MICAL3: variants seen among roughly 807,000 people sequenced by gnomAD.
The protein encoded by MICAL3 is microtubule associated monooxygenase, calponin and LIM domain containing 3.
In MICAL3, 62 loss-of-function variants were observed where a neutral mutation model predicts 207.4. The observed-to-expected ratio is 0.30, with a 90% CI of 0.24 to 0.37. MICAL3 has a LOEUF of 0.37. Ranked by LOEUF, MICAL3 falls within the 10% of genes least tolerant of loss-of-function variation. The pLI is 1.00. For missense variants in MICAL3, 2,368 were observed against 2,635.6 expected, an observed-to-expected ratio of 0.90 and a Z score of 2.22; for synonymous variants, 1,077 against 1,069.3, an observed-to-expected ratio of 1.01 and a Z score of -0.14.
intron 1 of MICAL3, among the ~76,000 whole-genome samples, chr22:17,940,604 T>TA (rs1298871147): frequency 6.6e-6 from 1 of 151,672 alleles, no homozygotes; most frequent in Non-Finnish European, 1.5e-5. Flanking sequence ...AGTAAAAGAA[T>TA]AAAAAATAAG....
At chr22:18,022,157 C>CATTAGGAA in intron 1 of MICAL3, among the ~76,000 whole-genome samples, 1 of 152,100 alleles carries the variant, frequency 6.6e-6, no homozygotes, top group Non-Finnish European at 1.5e-5. Flanking sequence ...TGTTTATGAA[C>CATTAGGAA]ATTCATGGTA....
chr22:17,913,145 T>TC (rs1228088648), intron 1 of MICAL3, among the ~76,000 whole-genome samples: 6 of 152,038 alleles, frequency 3.9e-5, no homozygotes, highest in Admixed American at 1.3e-4. Flanking sequence ...AGCCAGCTCC[T>TC]CCCCCCACCA....
At chr22:17,802,508 G>A (rs2061950900) in intron 29 of MICAL3, among the ~76,000 whole-genome samples, 1 of 152,132 alleles carries the variant, frequency 6.6e-6, no homozygotes, top group African/African-American at 2.4e-5. Context: ...GGAGGTCTCT[G>A]AACACACCAG....
At chr22:18,017,814 G>A (rs561834365) in intron 1 of MICAL3, among the ~76,000 whole-genome samples, 7 of 145,950 alleles carry the variant, frequency 4.8e-5, no homozygotes, top group Non-Finnish European at 7.4e-5. Context: ...GCAGTGGCTC[G>A]ATCTCCGCTC....
chr22:17,939,453 G>C (rs1933708142), intron 1 of MICAL3, among the ~76,000 whole-genome samples: 1 of 152,196 alleles, frequency 6.6e-6, no homozygotes. Flanking sequence ...TCTCACAAAG[G>C]TGCTGCAGGG....
rs140909625 is a variant in MICAL3, at chr22:17,853,284, C to G, written c.2606-11267G>C. ...GTGCTTCACAACAGCTGGCACGCAACGAAGGTCCACTCCCCCAGCCCACTC... is the reference window on the plus strand; with the variant it reads ...GTGCTTCACAACAGCTGGCACGCAAGGAAGGTCCACTCCCCCAGCCCACTC... On this transcript the variant is annotated intron_variant, in intron 19 of 31. Coordinates refer to ENST00000441493, the MANE Select transcript of MICAL3 (RefSeq NM_015241.3). Among the ~76,000 whole-genome samples, 727 of 152,248 alleles carry G rather than the reference C, an allele frequency of 4.8e-3. 9 individuals carry two copies. Among genetic ancestry groups the G allele is most frequent in the African/African-American group, 0.017 (697 of 41,534 alleles).
intron 19 of MICAL3, among the ~76,000 whole-genome samples, chr22:17,851,198 G>A (rs116470140): frequency 0.022 from 3,419 of 152,316 alleles, 56 homozygotes; most frequent in East Asian, 0.052. Context: ...CTCGTGAACC[G>A]GGAGGTTCCA....
chr22:17,991,456 T>C (rs1339145117), intron 1 of MICAL3, among the ~76,000 whole-genome samples: 1 of 152,238 alleles, frequency 6.6e-6, no homozygotes, highest in Non-Finnish European at 1.5e-5. Flanking sequence ...CTAGTTTATT[T>C]TGAAGATAAA....
chr22:17,860,137 A>G (rs916191309), intron 19 of MICAL3: 27 of 958,844 alleles, frequency 2.8e-5, no homozygotes, highest in Non-Finnish European at 3.4e-5. Context: ...AAAGGGAAGG[A>G]AAAGAAAAAC....
intron 1 of MICAL3, among the ~76,000 whole-genome samples, chr22:17,966,442 C>T (rs4819477): frequency 0.042 from 6,424 of 152,290 alleles, 321 homozygotes; most frequent in East Asian, 0.2. Context: ...CACTCCTCTG[C>T]AGTTCCAAAC....
intron 16 of MICAL3, among the ~76,000 whole-genome samples, chr22:17,877,387 TGGAGGTTAG>T: frequency 3.3e-4 from 4 of 12,024 alleles, no homozygotes; most frequent in Admixed American, 9.2e-4. Flanking sequence ...AGGGAGGTTA[TGGAGGTTAG>T]GGAGGTTAGG....
At chr22:17,968,470 C>CGTCT (rs2146403588) in intron 1 of MICAL3, among the ~76,000 whole-genome samples, 1 of 152,280 alleles carries the variant, frequency 6.6e-6, no homozygotes, top group East Asian at 1.9e-4. Context: ...GAGACCTCAC[C>CGTCT]AGACCCTGGC....
At chr22:17,869,457 C>T (rs1179802630) in intron 17 of MICAL3, among the ~76,000 whole-genome samples, 1 of 152,090 alleles carries the variant, frequency 6.6e-6, no homozygotes, top group Non-Finnish European at 1.5e-5. Context: ...GCGTATGTCT[C>T]TTCTCAAGAT....
chr22:17,824,684 G>A (rs183485619), intron 22 of MICAL3, among the ~76,000 whole-genome samples: 9 of 152,308 alleles, frequency 5.9e-5, no homozygotes, highest in African/African-American at 2.2e-4. Flanking sequence ...GTGCCTCCCT[G>A]AGATACCAGA....
At chr22:17,852,018 G>C (rs1378676910) in intron 19 of MICAL3, among the ~76,000 whole-genome samples, 3 of 152,116 alleles carry the variant, frequency 2.0e-5, no homozygotes, top group Non-Finnish European at 4.4e-5. Context: ...CTGTCCTCCA[G>C]AGCAGAGTGC....
At chr22:17,901,123 G>A in intron 5 of MICAL3, 126 bp from the exon 6 acceptor site, 1 of 847,694 alleles carries the variant, frequency 1.2e-6, no homozygotes, top group South Asian at 1.6e-5. Flanking sequence ...GGGAAAGTTA[G>A]GGCAGCTCTT....
At chr22:17,981,598 T>A in intron 1 of MICAL3, among the ~76,000 whole-genome samples, 1 of 152,064 alleles carries the variant, frequency 6.6e-6, no homozygotes, top group East Asian at 1.9e-4. Context: ...ATGGTGTAAA[T>A]GCTCCCACCA....
In MICAL3 at chr22:17,902,926, A is replaced by G. The variant is rs1361860998; in HGVS notation, c.473-179T>C. On this transcript the variant is annotated intron_variant, in intron 3 of 31. Coordinates refer to ENST00000441493, the MANE Select transcript of MICAL3 (RefSeq NM_015241.3). The surrounding 1 kb of genome is among the most constrained non-coding windows in gnomAD (Gnocchi z 4.5). ...TAACTTCTTCCTTTCTTAAAGGCAA[A>G]TATAACCCAGTGGAAGAGCTGTTCT... is the stretch of plus-strand genomic sequence containing the variant. Among the ~76,000 whole-genome samples the G allele has an allele frequency of 6.6e-6, 1 of 152,164 alleles. No individual in the cohort carries two copies. Among genetic ancestry groups the G allele is most frequent in the African/African-American group, 2.4e-5 (1 of 41,448 alleles).
At chr22:17,836,659 T>C (rs1438384000) in intron 20 of MICAL3, among the ~76,000 whole-genome samples, 1 of 151,498 alleles carries the variant, frequency 6.6e-6, no homozygotes, top group Admixed American at 6.6e-5. Flanking sequence ...TTTTTTTTTT[T>C]TTTGAGATGG....
Sources: gnomAD v4.1 joint callset for allele counts (sites outside exome capture counted in the v4.1 genomes callset) on GRCh38, gnomAD v4.1.1 for gene constraint, Gnocchi (gnomAD v3.1) non-coding constraint, MANE v1.5 for transcripts, NCBI Gene and HGNC (gene_info 2026-07-23, HGNC 2026-07-21) for gene names.